SLC24A2: variants seen among roughly 807,000 people sequenced by gnomAD.
SLC24A2 encodes sodium/potassium/calcium exchanger 2.
Under a neutral mutation model 62.0 loss-of-function variants are expected in SLC24A2, and 36 were observed. The ratio of observed to expected loss-of-function variants is 0.58; its 90% CI spans 0.44 to 0.77. SLC24A2 has a LOEUF of 0.77. SLC24A2 is among the 30% of genes least tolerant of loss of function. The probability of loss-of-function intolerance (pLI) is 0.00; values close to 1 mark genes in which losing one functional copy is unlikely to be tolerated. For synonymous variants in SLC24A2, 358 were observed against 294.0 expected (o/e 1.22, Z -2.23); for missense variants, 846 against 817.9 (o/e 1.03, Z -0.42).
the SLC24A2 span, among the ~76,000 whole-genome samples, chr9:19,854,132 G>T: frequency 6.6e-6 from 1 of 152,124 alleles, no homozygotes; most frequent in South Asian, 2.1e-4. Context: ...ATTTCTGTGG[G>T]GTCAGTGGTG....
chr9:20,302,830 A>T, the SLC24A2 span, among the ~76,000 whole-genome samples: 1 of 152,196 alleles, frequency 6.6e-6, no homozygotes, highest in Non-Finnish European at 1.5e-5. Flanking sequence ...GTGGGGCTGA[A>T]CCAACATTAA....
chr9:20,215,777 C>A, the SLC24A2 span, among the ~76,000 whole-genome samples: 1 of 151,746 alleles, frequency 6.6e-6, no homozygotes, highest in African/African-American at 2.4e-5. Flanking sequence ...AGGTAGAGAA[C>A]CCATGATGCA....
At chr9:19,988,285 C>A in the SLC24A2 span, among the ~76,000 whole-genome samples, 1 of 152,340 alleles carries the variant, frequency 6.6e-6, no homozygotes, top group Admixed American at 6.5e-5. Context: ...TTGAGCCACA[C>A]AGCCCCAGAT....
At chr9:19,950,128 T>C in the SLC24A2 span, among the ~76,000 whole-genome samples, 2,208 of 152,300 alleles carry the variant, frequency 0.014, 54 homozygotes, top group African/African-American at 0.051. Flanking sequence ...GTGACTTAAT[T>C]AGTTGTGTCT....
At chr9:19,909,184 G>C in the SLC24A2 span, among the ~76,000 whole-genome samples, 1 of 152,090 alleles carries the variant, frequency 6.6e-6, no homozygotes, top group Admixed American at 6.6e-5. Context: ...CCTTTGTAGG[G>C]GCACAGATGA....
the SLC24A2 span, among the ~76,000 whole-genome samples, chr9:20,097,413 T>C: frequency 1.3e-5 from 2 of 152,228 alleles, no homozygotes; most frequent in East Asian, 3.8e-4. Context: ...TCAGTATTGA[T>C]ATGAGTCTTT....
intron 2 of SLC24A2, among the ~76,000 whole-genome samples, chr9:19,779,119 G>T: frequency 6.6e-6 from 1 of 152,214 alleles, no homozygotes; most frequent in East Asian, 1.9e-4. Context: ...ATCACAGATA[G>T]AAAACCATGA....
intron 5 of SLC24A2, among the ~76,000 whole-genome samples, chr9:19,587,650 C>A (rs548724100): frequency 1.4e-4 from 21 of 147,226 alleles, no homozygotes; most frequent in South Asian, 8.3e-4. Flanking sequence ...ATAACAAATT[C>A]CCACCTTTTT....
At chr9:20,149,446 C>T in the SLC24A2 span, among the ~76,000 whole-genome samples, 2 of 151,764 alleles carry the variant, frequency 1.3e-5, no homozygotes, top group Non-Finnish European at 1.5e-5. Context: ...TCCTAATTTT[C>T]CTTAGGGTCA....
the SLC24A2 span, among the ~76,000 whole-genome samples, chr9:20,122,076 G>A: frequency 1.3e-5 from 2 of 152,172 alleles, no homozygotes; most frequent in African/African-American, 2.4e-5. Flanking sequence ...GGCACCAAAC[G>A]TTCCAAGCAA....
At chr9:19,919,978 T>G in the SLC24A2 span, among the ~76,000 whole-genome samples, 1 of 152,136 alleles carries the variant, frequency 6.6e-6, no homozygotes, top group East Asian at 1.9e-4. Context: ...TTCAATATAT[T>G]GGAAAAATTA....
the SLC24A2 span, among the ~76,000 whole-genome samples, chr9:19,812,769 A>G: frequency 1.1e-5 from 1 of 92,606 alleles, no homozygotes; most frequent in East Asian, 3.3e-4. Flanking sequence ...ATCTCCTTCC[A>G]GAAAGTATTC....
intron 2 of SLC24A2, among the ~76,000 whole-genome samples, chr9:19,734,484 C>T (rs879024789): frequency 6.6e-6 from 1 of 152,084 alleles, no homozygotes; most frequent in African/African-American, 2.4e-5. Context: ...GGCAGTATGG[C>T]CATTTTCACA....
the SLC24A2 span, among the ~76,000 whole-genome samples, chr9:20,176,915 T>C: frequency 1.9e-5 from 1 of 51,524 alleles, no homozygotes; most frequent in African/African-American, 1.0e-4. Context: ...AGTGTGAGGA[T>C]GGAGAAGTGT....
chr9:19,761,809 A>C (rs1477637600), intron 2 of SLC24A2, among the ~76,000 whole-genome samples: 1 of 151,990 alleles, frequency 6.6e-6, no homozygotes, highest in Non-Finnish European at 1.5e-5. Flanking sequence ...AAGGAGATGA[A>C]CTCATCATTT....
At chr9:19,804,140 G>A in the SLC24A2 span, among the ~76,000 whole-genome samples, 1 of 152,142 alleles carries the variant, frequency 6.6e-6, no homozygotes, top group African/African-American at 2.4e-5. Flanking sequence ...GAGCCAGCTT[G>A]TTAAAGTGGA....
chr9:19,898,560 G>A, the SLC24A2 span, among the ~76,000 whole-genome samples: 2 of 152,018 alleles, frequency 1.3e-5, no homozygotes, highest in African/African-American at 2.4e-5. Flanking sequence ...GGCTAACATG[G>A]AGAAACTCCA....
the SLC24A2 span, among the ~76,000 whole-genome samples, chr9:20,285,353 T>C: frequency 6.6e-6 from 1 of 152,164 alleles, no homozygotes; most frequent in African/African-American, 2.4e-5. Flanking sequence ...TGGCAAGACA[T>C]TGATATGCAG....
At chr9:20,007,002 G>C in the SLC24A2 span, among the ~76,000 whole-genome samples, 1 of 152,254 alleles carries the variant, frequency 6.6e-6, no homozygotes, top group Non-Finnish European at 1.5e-5. Flanking sequence ...CTACATCACT[G>C]TTTGTGTCAA....
Sources: gnomAD v4.1 joint callset for allele counts (sites outside exome capture counted in the v4.1 genomes callset) on GRCh38, gnomAD v4.1.1 for gene constraint, MANE v1.5 for transcripts, NCBI Gene and HGNC (gene_info 2026-07-23, HGNC 2026-07-21) for gene names.